The following PCDH11Y variants were observed in gnomAD, a reference collection of about 807,000 sequenced individuals.
PCDH11Y encodes the protein protocadherin 11 Y-linked, also known as protocadherin-11 Y-linked.
For synonymous variants in PCDH11Y, 9 were observed against 83.6 expected, an observed-to-expected ratio of 0.11 and a Z score of 4.87; for missense variants, 12 against 224.8, an observed-to-expected ratio of 0.05 and a Z score of 6.05.
At chrY:5,713,341 C>G in intron 4 of PCDH11Y, among the ~76,000 whole-genome samples, 1 of 32,514 alleles carries the variant, frequency 3.1e-5, no homozygotes, top group Non-Finnish European at 7.6e-5. Flanking sequence ...TAAATTAAGC[C>G]CTTTTTTGAT....
chrY:5,679,137 T>C, intron 4 of PCDH11Y, among the ~76,000 whole-genome samples: 4 of 32,870 alleles, frequency 1.2e-4, no homozygotes, highest in African/African-American at 4.8e-4. Context: ...TAGAGTGGCA[T>C]GTGACCTAGG....
At chrY:5,070,224 G>T (rs2052697913) in intron 1 of PCDH11Y, among the ~76,000 whole-genome samples, 1 of 33,069 alleles carries the variant, frequency 3.0e-5, no homozygotes, top group Non-Finnish European at 7.4e-5. Context: ...CTAAAGATAA[G>T]TATAAGTTTG....
downstream of PCDH11Y, among the ~76,000 whole-genome samples, chrY:5,108,709 T>C (rs2052799337): frequency 2.5e-4 from 5 of 20,201 alleles, no homozygotes; most frequent in South Asian, 1.3e-3. Context: ...ATGGCGCCAC[T>C]GCACTCCAGC....
intron 1 of PCDH11Y, among the ~76,000 whole-genome samples, chrY:5,086,096 C>T (rs1602859643): frequency 1.2e-4 from 3 of 25,047 alleles, no homozygotes; most frequent in South Asian, 1.0e-3. Context: ...GGGCATGCTT[C>T]GTTGTTTTTT....
At chrY:5,051,944 A>G (rs2052653361), upstream of PCDH11Y, among the ~76,000 whole-genome samples, 1 of 32,218 alleles carries the variant, frequency 3.1e-5, no homozygotes, top group African/African-American at 1.2e-4. Context: ...CTCTGAAAAT[A>G]CTAGGTTTAT....
chrY:5,343,489 A>G (rs1602908328), intron 2 of PCDH11Y, among the ~76,000 whole-genome samples: 120 of 32,749 alleles, frequency 3.7e-3, no homozygotes, highest in African/African-American at 0.012. Context: ...TCCTGACCTC[A>G]TGATCCGCCC....
intron 2 of PCDH11Y, among the ~76,000 whole-genome samples, chrY:5,265,995 T>G: frequency 3.0e-5 from 1 of 32,978 alleles, no homozygotes; most frequent in Non-Finnish European, 7.4e-5. Context: ...CCAATGCAAA[T>G]CAGTACAACA....
chrY:5,391,150 C>T, intron 2 of PCDH11Y, among the ~76,000 whole-genome samples: 2 of 29,778 alleles, frequency 6.7e-5, no homozygotes, highest in African/African-American at 2.6e-4. Context: ...ATTCTACTTA[C>T]AGTTTATTTC....
intron 2 of PCDH11Y, among the ~76,000 whole-genome samples, chrY:5,376,792 T>C: frequency 3.0e-5 from 1 of 32,955 alleles, no homozygotes; most frequent in Non-Finnish European, 7.4e-5. Context: ...ATTTAATTTC[T>C]ATGTAACTAT....
At chrY:5,519,857 C>G in intron 3 of PCDH11Y, among the ~76,000 whole-genome samples, 1 of 23,913 alleles carries the variant, frequency 4.2e-5, no homozygotes, top group Non-Finnish European at 9.6e-5. Context: ...TGTTTCTATC[C>G]TCTAATATTT....
intron 2 of PCDH11Y, among the ~76,000 whole-genome samples, chrY:5,383,316 G>A: frequency 3.2e-5 from 1 of 31,343 alleles, no homozygotes; most frequent in South Asian, 7.5e-4. Flanking sequence ...TGGCCAACAT[G>A]GAGAAACTCC....
intron 2 of PCDH11Y, among the ~76,000 whole-genome samples, chrY:5,183,477 T>G: frequency 3.2e-5 from 1 of 31,735 alleles, no homozygotes; most frequent in Non-Finnish European, 7.6e-5. Context: ...AATACACCTT[T>G]GTAAACTGTT....
intron 1 of PCDH11Y, chrY:5,019,082 T>G (rs2052565174): frequency 3.0e-5 from 1 of 33,738 alleles, no homozygotes; most frequent in Non-Finnish European, 7.3e-5. Flanking sequence ...CAGCATCACT[T>G]CTCAGCCTTT....
intron 2 of PCDH11Y, among the ~76,000 whole-genome samples, chrY:5,298,237 G>A: frequency 3.0e-5 from 1 of 33,841 alleles, no homozygotes; most frequent in Admixed American, 2.7e-4. Context: ...ATATATGCAG[G>A]ATAGATTTTC....
chrY:5,647,206 G>A (rs2053527954), intron 4 of PCDH11Y, among the ~76,000 whole-genome samples: 1 of 33,201 alleles, frequency 3.0e-5, no homozygotes, highest in African/African-American at 1.2e-4. Flanking sequence ...TAGCATAAGG[G>A]GCATTCTACA....
chrY:5,660,375 GTTTACCTGGGA>G (rs2053540221), intron 4 of PCDH11Y, among the ~76,000 whole-genome samples: 1 of 29,845 alleles, frequency 3.4e-5, no homozygotes, highest in Non-Finnish European at 8.0e-5. Context: ...TGCCTTTCAG[GTTTACCTGGGA>G]CCCCAGAGCA....
intron 2 of PCDH11Y, among the ~76,000 whole-genome samples, chrY:5,336,902 T>C: frequency 3.1e-5 from 1 of 32,648 alleles, no homozygotes. Flanking sequence ...ACAAATTCTT[T>C]CCCAAAGAAT....
chrY:5,615,618 A>G (rs2557030), intron 4 of PCDH11Y, among the ~76,000 whole-genome samples: 24 of 32,916 alleles, frequency 7.3e-4, no homozygotes, highest in African/African-American at 2.8e-3. Context: ...ACTCTTTTAT[A>G]TAGGCCATCT....
intron 4 of PCDH11Y, among the ~76,000 whole-genome samples, chrY:5,681,885 C>A: frequency 3.2e-5 from 1 of 31,677 alleles, no homozygotes. Flanking sequence ...ATTTCTTCCA[C>A]CAGATGCCCT....
Sources: allele counts gnomAD v4.1 joint callset (sites outside exome capture counted in the v4.1 genomes callset), GRCh38; gene constraint gnomAD v4.1.1; transcripts MANE v1.5; gene names NCBI Gene and HGNC (gene_info 2026-07-23, HGNC 2026-07-21).